The following APMAP variants were observed in gnomAD, a reference collection of about 807,000 sequenced individuals.
APMAP encodes adipocyte plasma membrane-associated protein.
In APMAP, 33 loss-of-function variants were observed where a neutral mutation model predicts 43.6. The ratio of observed to expected loss-of-function variants is 0.76; its 90% CI spans 0.57 to 1.01. The LOEUF is 1.01. APMAP is among the 50% of genes least tolerant of loss of function. The probability of loss-of-function intolerance (pLI) is 0.00; values close to 1 mark genes in which losing one functional copy is unlikely to be tolerated. For synonymous variants in APMAP, 224 were observed against 216.7 expected (o/e 1.03, Z -0.30); for missense variants, 498 against 540.7 (o/e 0.92, Z 0.78).
Position 24,969,582 on chromosome 20 carries a change from C to CAG in APMAP, c.790_791dup (p.Ser265CysfsTer26). ...CCAGGACAAAGTCTTCTGCAGGAGA[C>CAG]AGCTGGACTCCATTCGGGAACCGCA... On this transcript the variant is annotated frameshift_variant, in exon 7 of 9. Coordinates refer to ENST00000217456, the MANE Select transcript of APMAP (RefSeq NM_020531.3). LOFTEE classifies it high-confidence loss of function. The CAG allele has an allele frequency of 6.2e-7, 1 of 1,614,102 alleles. No homozygotes were observed. Among genetic ancestry groups the CAG allele is most frequent in the Non-Finnish European group, 8.5e-7 (1 of 1,179,962 alleles).
intron 8 of APMAP, among the ~76,000 whole-genome samples, chr20:24,966,725 T>C (rs1370897287): frequency 1.3e-5 from 2 of 152,232 alleles, no homozygotes; most frequent in South Asian, 2.1e-4. Flanking sequence ...ACACCACTCC[T>C]GATCCTGGGT....
At chr20:24,973,138 A>G (rs566294208) in intron 4 of APMAP, among the ~76,000 whole-genome samples, 77 of 152,358 alleles carry the variant, frequency 5.1e-4, no homozygotes, top group African/African-American at 1.7e-3. Context: ...TTAAAAAATG[A>G]TAACTATTAA....
At chr20:24,992,173 G>A (rs1427999511) in intron 1 of APMAP, among the ~76,000 whole-genome samples, 1 of 152,212 alleles carries the variant, frequency 6.6e-6, no homozygotes, top group Non-Finnish European at 1.5e-5. Context: ...GGGGAACCAG[G>A]AACACGCAGG....
At chr20:24,988,002 A>G (rs1453723422) in intron 1 of APMAP, among the ~76,000 whole-genome samples, 1 of 152,220 alleles carries the variant, frequency 6.6e-6, no homozygotes, top group African/African-American at 2.4e-5. Context: ...GACAAAGCAT[A>G]TGGAAAGGTG....
At chr20:24,970,838 C>T (rs2087992417) in intron 5 of APMAP, among the ~76,000 whole-genome samples, 2 of 152,168 alleles carry the variant, frequency 1.3e-5, no homozygotes, top group Non-Finnish European at 2.9e-5. Context: ...TACTATGACC[C>T]CAATTTGATG....
chr20:24,972,015 T>C (rs912955031), intron 4 of APMAP, among the ~76,000 whole-genome samples: 11 of 142,450 alleles, frequency 7.7e-5, no homozygotes, highest in African/African-American at 2.9e-4. Context: ...TCACTACAGG[T>C]GCTTACTGCA....
intron 1 of APMAP, among the ~76,000 whole-genome samples, chr20:24,984,889 G>A (rs1214620178): frequency 6.6e-6 from 1 of 152,136 alleles, no homozygotes; most frequent in Non-Finnish European, 1.5e-5. Flanking sequence ...TTTACTAAAT[G>A]CTTGGCATTA....
At position 24,963,650 on chromosome 20, in the gene APMAP, C is replaced by T; in HGVS notation, c.*163G>A. 2 of 717,016 alleles carry T rather than the reference C, an allele frequency of 2.8e-6. No individual in the cohort carries two copies. Among genetic ancestry groups the T allele is most frequent in the Non-Finnish European group, 4.6e-6 (2 of 431,356 alleles). The allele number at this position is 717,016 out of a possible 1,614,324, so 44.4% of individuals were successfully genotyped here. A position where few individuals can be genotyped will look rare whatever the true frequency, so the allele number is the denominator to read the frequency against. Reference sequence around the variant, plus strand: ...AAGACAAGCCCAGGTGGGGCCCGGGCATCCTCGAGGAATGAAGCAGCCATT... The same window carrying T: ...AAGACAAGCCCAGGTGGGGCCCGGGTATCCTCGAGGAATGAAGCAGCCATT... On this transcript the variant is annotated 3_prime_UTR_variant, in exon 9 of 9. Coordinates refer to ENST00000217456, the MANE Select transcript of APMAP (RefSeq NM_020531.3).
chr20:24,970,952 C>T (rs2122492770), intron 5 of APMAP, among the ~76,000 whole-genome samples: 1 of 152,232 alleles, frequency 6.6e-6, no homozygotes, highest in Admixed American at 6.5e-5. Context: ...TGTTCGGGCC[C>T]CCACGCACAA....
At position 24,970,445 on chromosome 20, in the gene APMAP, C is replaced by T. The variant is rs113265404; in HGVS notation, c.539-74G>A. On this transcript the variant is annotated intron_variant, in intron 5 of 8. Transcript: ENST00000217456. ...CAATAATTGCAAAATATTAACCAACCTAACTGATTTAAAAAGAAAAACTGA... is the reference window on the plus strand; with the variant it reads ...CAATAATTGCAAAATATTAACCAACTTAACTGATTTAAAAAGAAAAACTGA... The T allele has an allele frequency of 3.9e-3, 5,464 of 1,385,414 alleles. 151 individuals are homozygous for T. The African/African-American group carries it at 0.065, about 16-fold the overall frequency. 85.8% of individuals were successfully genotyped at this position (1,385,414 alleles called of 1,614,324 possible).
rs569021598 is a variant in APMAP at position 24,988,861 on chromosome 20, T to C, written c.95+3733A>G. Among the ~76,000 whole-genome samples, 9 of 152,356 alleles carry C rather than the reference T, an allele frequency of 5.9e-5. No homozygotes were observed. The South Asian group carries it at 6.2e-4, about 11-fold the overall frequency. On this transcript the variant is annotated intron_variant, in intron 1 of 8. Transcript: ENST00000217456. ...AAACTCCTTGAGCTGCACTGTCCAA[T>C]AGAACTTTCTGCAACGATGGAAATA... is the stretch of plus-strand genomic sequence containing the variant.
chr20:24,979,034 C>G (rs1053645155), intron 2 of APMAP, 152 bp from the exon 3 acceptor site: 1 of 618,234 alleles, frequency 1.6e-6, no homozygotes, highest in Non-Finnish European at 2.9e-6. Flanking sequence ...AAAAACTGTT[C>G]TAGGATATCA....
intron 3 of APMAP, among the ~76,000 whole-genome samples, chr20:24,976,690 C>A (rs2088052643): frequency 6.6e-6 from 1 of 152,124 alleles, no homozygotes; most frequent in African/African-American, 2.4e-5. Context: ...CGGTATTTAC[C>A]CAAATGAGCT....
intron 2 of APMAP, among the ~76,000 whole-genome samples, chr20:24,980,217 A>G (rs2088090198): frequency 6.6e-6 from 1 of 152,234 alleles, no homozygotes; most frequent in South Asian, 2.1e-4. Context: ...CAAAGTAGAG[A>G]GGAATATCTT....
At position 24,968,991 on chromosome 20, in the gene APMAP, C is replaced by G. The variant is rs145910569; in HGVS notation, c.942G>C (p.Gly314=). ...FPDNIRPSSS[G]GYWVGMSTIR... ...TGGTCGACATGCCCACCCAGTACCC[C>G]CCAGAGCTGCTGGGCCGGATGTTGT... The change falls in exon 8 of 9, where the codon GGG becomes GGC. Residue 314 remains glycine (G), a synonymous_variant. Transcript: ENST00000217456. 4 of 1,614,012 alleles carry G rather than the reference C, an allele frequency of 2.5e-6. No individual in the cohort carries two copies. The highest frequency in any genetic ancestry group is 2.2e-5 in the East Asian group (1 of 44,860).
chr20:24,978,460 A>C (rs2088069459), intron 3 of APMAP, among the ~76,000 whole-genome samples: 1 of 152,246 alleles, frequency 6.6e-6, no homozygotes, highest in Non-Finnish European at 1.5e-5. Flanking sequence ...ATGAACTAAA[A>C]ATCAGTATCT....
At chr20:24,978,967 G>C in intron 2 of APMAP, 85 bp from the exon 3 acceptor site, 2 of 1,082,052 alleles carry the variant, frequency 1.8e-6, no homozygotes, top group East Asian at 2.4e-5. Context: ...TCAGTTCTTT[G>C]ATAAAGATGG....
chr20:24,976,177 C>A (rs1452662873), intron 3 of APMAP, among the ~76,000 whole-genome samples: 1 of 152,040 alleles, frequency 6.6e-6, no homozygotes, highest in Admixed American at 6.5e-5. Context: ...AGGTGAGATA[C>A]ATGAAGAAAT....
intron 8 of APMAP, among the ~76,000 whole-genome samples, chr20:24,968,356 C>A (rs1287979125): frequency 1.3e-5 from 2 of 152,120 alleles, no homozygotes; most frequent in Non-Finnish European, 2.9e-5. Flanking sequence ...GGCAGAACTC[C>A]ATAGAGAAGA....
Sources: allele counts gnomAD v4.1 joint callset (sites outside exome capture counted in the v4.1 genomes callset), GRCh38; gene constraint gnomAD v4.1.1; transcripts MANE v1.5; gene names NCBI Gene and HGNC (gene_info 2026-07-23, HGNC 2026-07-21).